Variants in SHISA6 observed in about 807,000 individuals in gnomAD.
SHISA6 encodes shisa family member 6, also known as protein shisa-6.
Under a neutral mutation model 47.9 loss-of-function variants are expected in SHISA6, and 22 were observed. The ratio of observed to expected loss-of-function variants is 0.46; its 90% CI spans 0.33 to 0.66. The LOEUF (loss-of-function observed/expected upper bound fraction) is 0.66, where lower values mean the gene tolerates loss of function less well. Ranked by LOEUF, SHISA6 falls within the 30% of genes least tolerant of loss-of-function variation. The pLI is 0.02. For synonymous variants in SHISA6, 388 were observed against 337.8 expected, an observed-to-expected ratio of 1.15 and a Z score of -1.63; for missense variants, 680 against 764.6, an observed-to-expected ratio of 0.89 and a Z score of 1.30.
intron 4 of SHISA6, among the ~76,000 whole-genome samples, chr17:11,552,339 T>C (rs532249301): frequency 6.6e-6 from 1 of 152,344 alleles, no homozygotes; most frequent in African/African-American, 2.4e-5. Flanking sequence ...TTAAACTTTA[T>C]GATCCTCCCC....
intron 2 of SHISA6, among the ~76,000 whole-genome samples, chr17:11,298,705 A>G (rs1299135643): frequency 1.3e-5 from 2 of 152,186 alleles, no homozygotes; most frequent in Non-Finnish European, 1.5e-5. Context: ...GTAAGACCCA[A>G]CATAGGAGTC....
At chr17:11,324,575 G>A (rs1910812496) in intron 2 of SHISA6, among the ~76,000 whole-genome samples, 1 of 152,072 alleles carries the variant, frequency 6.6e-6, no homozygotes, top group African/African-American at 2.4e-5. Flanking sequence ...GGGGTATTGG[G>A]GCTGGAGAAC....
rs1910318024 is a variant in SHISA6 at position 11,311,111 on chromosome 17, A to C, written c.799+47585A>C. On this transcript the variant is annotated intron_variant, in intron 2 of 5. Transcript: ENST00000441885. ...GACTGAGCGAGACTCCATCTCAAAA[A>C]AAAAAAAAAAAAAAAAAAAAATTAG... Among the ~76,000 whole-genome samples, 3 of 145,066 alleles carry C rather than the reference A, an allele frequency of 2.1e-5. No homozygotes were observed. The South Asian group carries it at 6.6e-4, about 32-fold the overall frequency.
At chr17:11,525,370 C>G in intron 3 of SHISA6, among the ~76,000 whole-genome samples, 1 of 152,162 alleles carries the variant, frequency 6.6e-6, no homozygotes, top group Admixed American at 6.5e-5. Flanking sequence ...CTTGGTGGCT[C>G]ACGCCTGTAA....
At chr17:11,305,075 G>A (rs753502430) in intron 2 of SHISA6, among the ~76,000 whole-genome samples, 4 of 152,176 alleles carry the variant, frequency 2.6e-5, no homozygotes, top group Non-Finnish European at 4.4e-5. Flanking sequence ...TTCTTCATGC[G>A]TCACATCTCA....
intron 2 of SHISA6, among the ~76,000 whole-genome samples, chr17:11,269,456 A>T (rs551917137): frequency 6.6e-6 from 1 of 152,228 alleles, no homozygotes; most frequent in Non-Finnish European, 1.5e-5. Flanking sequence ...CTGGGCTCAG[A>T]GGGACTGTTA....
At chr17:11,539,231 C>T (rs2071812267) in intron 3 of SHISA6, among the ~76,000 whole-genome samples, 1 of 152,224 alleles carries the variant, frequency 6.6e-6, no homozygotes, top group East Asian at 1.9e-4. Context: ...CATGAGCCAC[C>T]ACACCCGGCC....
intron 2 of SHISA6, among the ~76,000 whole-genome samples, chr17:11,320,591 G>A (rs1024782195): frequency 2.0e-5 from 3 of 152,096 alleles, no homozygotes; most frequent in African/African-American, 7.2e-5. Context: ...TCTGGAGGTG[G>A]AGGCTTCAGT....
At chr17:11,373,038 C>T (rs572424851) in intron 2 of SHISA6, among the ~76,000 whole-genome samples, 5 of 151,550 alleles carry the variant, frequency 3.3e-5, no homozygotes, top group South Asian at 4.2e-4. Flanking sequence ...AAAGATAACT[C>T]GTTAAATGCT....
chr17:11,338,353 T>A (rs1309205675), intron 2 of SHISA6, among the ~76,000 whole-genome samples: 1 of 152,310 alleles, frequency 6.6e-6, no homozygotes, highest in East Asian at 1.9e-4. Flanking sequence ...TAGAGCCACA[T>A]CCTGCTAAGC....
Position 11,557,789 on chromosome 17 carries a change from C to T in SHISA6, c.1141C>T (p.Arg381Trp), listed in dbSNP as rs767442957. The change falls in exon 6 of 6, where the codon CGG becomes TGG. Residue 381 changes from arginine to tryptophan, a missense_variant. Physicochemically the swap from Arg to Trp is moderately radical, Grantham distance 101. This residue lies in a region of SHISA6 where 559 missense variants were observed against 674.1 expected (regional missense o/e 0.83). Transcript: ENST00000441885. ...KEADEYYMRR[R>W]HLPDLAARGT... ...GGCTGACGAGTATTACATGAGACGGCGGCACCTGCCCGACCTGGCTGCCCG... is the reference window on the plus strand; with the variant it reads ...GGCTGACGAGTATTACATGAGACGGTGGCACCTGCCCGACCTGGCTGCCCG... 5 of 1,550,134 alleles carry T rather than the reference C, an allele frequency of 3.2e-6. No individual in the cohort carries two copies. Among genetic ancestry groups the T allele is most frequent in the South Asian group, 2.4e-5 (2 of 83,726 alleles).
At chr17:11,349,256 C>CT (rs1374893941) in intron 2 of SHISA6, among the ~76,000 whole-genome samples, 2 of 152,142 alleles carry the variant, frequency 1.3e-5, no homozygotes, top group African/African-American at 4.8e-5. Context: ...AAAAGAGGGC[C>CT]TGACCTCATC....
intron 2 of SHISA6, among the ~76,000 whole-genome samples, chr17:11,266,525 C>T (rs1348238738): frequency 6.6e-6 from 1 of 152,182 alleles, no homozygotes; most frequent in Admixed American, 6.5e-5. Flanking sequence ...TGTATGTGAT[C>T]TTGGGCAAGA....
In SHISA6 at chr17:11,457,913, G is replaced by A. The variant is rs533610161; in HGVS notation, c.895+78404G>A. Among the ~76,000 whole-genome samples, 20 of 151,830 alleles carry A rather than the reference G, an allele frequency of 1.3e-4. No individual in the cohort carries two copies. In the South Asian group the frequency reaches 2.5e-3, roughly 19 times the overall value. On this transcript the variant is annotated intron_variant, in intron 3 of 5. Transcript: ENST00000441885. ...ATCCTGGCTAACGTGGTAAAACCCCGTATCTACTAAAAATACAAAAAATTA... is the reference window on the plus strand; with the variant it reads ...ATCCTGGCTAACGTGGTAAAACCCCATATCTACTAAAAATACAAAAAATTA...
chr17:11,491,118 AG>A (rs1305735891), intron 3 of SHISA6, among the ~76,000 whole-genome samples: 32 of 152,302 alleles, frequency 2.1e-4, no homozygotes, highest in African/African-American at 7.5e-4. Flanking sequence ...CTCTAGAAGA[AG>A]TCTGGACTAG....
intron 2 of SHISA6, among the ~76,000 whole-genome samples, chr17:11,359,802 C>T (rs747657741): frequency 2.6e-5 from 4 of 152,210 alleles, no homozygotes; most frequent in African/African-American, 4.8e-5. Context: ...ATACAAGCAA[C>T]AGCAACAAAA....
At chr17:11,498,071 T>C (rs2071423052) in intron 3 of SHISA6, among the ~76,000 whole-genome samples, 1 of 152,198 alleles carries the variant, frequency 6.6e-6, no homozygotes, top group African/African-American at 2.4e-5. Flanking sequence ...GTTAATTAGT[T>C]CTAGCTTAGA....
intron 2 of SHISA6, among the ~76,000 whole-genome samples, chr17:11,350,182 ATTTTTTTT>A (rs778331945): frequency 1.7e-5 from 2 of 116,240 alleles, no homozygotes; most frequent in African/African-American, 6.7e-5. Flanking sequence ...TTATTTATTT[ATTTTTTTT>A]TTTTTTTGAG....
intron 3 of SHISA6, among the ~76,000 whole-genome samples, chr17:11,416,944 A>G (rs1914297944): frequency 6.6e-6 from 1 of 152,210 alleles, no homozygotes; most frequent in Admixed American, 6.5e-5. Flanking sequence ...GTTTACACAG[A>G]TAGTAAAGTG....
Sources: gnomAD v4.1 joint callset for allele counts (sites outside exome capture counted in the v4.1 genomes callset) on GRCh38, gnomAD v4.1.1 for gene constraint, gnomAD v4.1.1 regional missense constraint, MANE v1.5 for transcripts, NCBI Gene and HGNC (gene_info 2026-07-23, HGNC 2026-07-21) for gene names.